DMD: variants seen among roughly 807,000 people sequenced by gnomAD.
The protein encoded by DMD is dystrophin.
A neutral mutation model predicts 330.1 loss-of-function variants in DMD; 63 were observed. The ratio of observed to expected loss-of-function variants is 0.19; its 90% CI spans 0.16 to 0.24. The LOEUF is 0.24. DMD is among the 10% of genes least tolerant of loss of function. The probability of loss-of-function intolerance (pLI) is 1.00; values close to 1 mark genes in which losing one functional copy is unlikely to be tolerated. For missense variants in DMD, 3,344 were observed against 2,684.1 expected (o/e 1.25, Z -5.43); for synonymous variants, 1,223 against 959.8 (o/e 1.27, Z -5.07).
Position 31,256,862 on chromosome X carries a change from C to T in DMD, c.9286+4093G>A, listed in dbSNP as rs185257795. 9.2e-4 allele frequency among the ~76,000 whole-genome samples: 100 copies of T among 108,683 alleles called. 1 individual carries two copies. Among genetic ancestry groups the T allele is most frequent in the African/African-American group, 3.3e-3 (97 of 29,707 alleles). The allele number at this position is 108,683 out of a possible 115,157, so 94.4% of individuals were successfully genotyped here. A position where few individuals can be genotyped will look rare whatever the true frequency, so the allele number is the denominator to read the frequency against. ...GTAAGAAATGGAATGGGGGTATCGA[C>T]GAAGAAACTTTTTTACCAAACATCT... is the stretch of plus-strand genomic sequence containing the variant. On this transcript the variant is annotated intron_variant, in intron 63 of 78. Transcript: ENST00000357033.
chrX:31,579,789 A>G (rs1428360764), intron 55 of DMD, among the ~76,000 whole-genome samples: 1 of 112,460 alleles, frequency 8.9e-6, no homozygotes. Context: ...AATTTTCCAT[A>G]AACTTACTGG....
chrX:33,043,982 T>C (rs934297641), intron 1 of DMD, among the ~76,000 whole-genome samples: 1 of 111,215 alleles, frequency 9.0e-6, no homozygotes, highest in Non-Finnish European at 1.9e-5. Context: ...CTCTCTCACC[T>C]ACCCCAGTTA....
chrX:32,193,048 C>G (rs1318999399), intron 44 of DMD, among the ~76,000 whole-genome samples: 1 of 111,340 alleles, frequency 9.0e-6, no homozygotes, highest in African/African-American at 3.3e-5. Context: ...AGTGAGTTCT[C>G]TGAGATCTGG....
At chrX:32,543,188 A>G (rs1329581454) in intron 17 of DMD, among the ~76,000 whole-genome samples, 5 of 112,018 alleles carry the variant, frequency 4.5e-5, no homozygotes, top group African/African-American at 1.3e-4. Flanking sequence ...TATTTGAAGA[A>G]TCTTTCTGTA....
At chrX:32,885,585 C>A (rs1239122379) in intron 2 of DMD, among the ~76,000 whole-genome samples, 2 of 111,149 alleles carry the variant, frequency 1.8e-5, no homozygotes, top group Admixed American at 1.9e-4. Flanking sequence ...ATATATTAAG[C>A]TATAACGATT....
At chrX:33,339,165 C>T (rs936701113) in intron 1 of DMD, 2 of 943,118 alleles carry the variant, frequency 2.1e-6, no homozygotes, top group African/African-American at 2.0e-5. Context: ...GGCAACAAAC[C>T]CCAGCTACCA....
intron 13 of DMD, among the ~76,000 whole-genome samples, chrX:32,575,709 T>A (rs1004412167): frequency 2.7e-5 from 3 of 111,973 alleles, no homozygotes; most frequent in African/African-American, 9.7e-5. Flanking sequence ...AAGCTTCAAA[T>A]GGAGAAAATC....
chrX:31,697,473 A>ATGTGTCC (rs2083517887), intron 52 of DMD, among the ~76,000 whole-genome samples: 1 of 111,420 alleles, frequency 9.0e-6, no homozygotes, highest in Admixed American at 9.6e-5. Context: ...AAGACTCAGG[A>ATGTGTCC]TGACAGACTG....
At chrX:32,911,747 C>A (rs1048222072) in intron 2 of DMD, among the ~76,000 whole-genome samples, 2 of 111,070 alleles carry the variant, frequency 1.8e-5, no homozygotes, top group African/African-American at 6.5e-5. Flanking sequence ...TTTTTAAGTT[C>A]GTGAGAATTT....
chrX:31,759,780 C>T lies in DMD; in HGVS notation c.7542+14180G>A, dbSNP rs745769016. On this transcript the variant is annotated intron_variant, in intron 51 of 78. Coordinates refer to ENST00000357033, the MANE Select transcript of DMD (RefSeq NM_004006.3). ...AGTTGCTCTAGAGAAGGAATGGCTG[C>T]TTGGACCCTGGTAGGTACATCATGG... 1.4e-4 allele frequency among the ~76,000 whole-genome samples: 16 copies of T among 111,972 alleles called. No individual in the cohort carries two copies. The East Asian group carries it at 4.5e-3, about 31-fold the overall frequency.
In DMD at chrX:32,118,395, G is replaced by A. The variant is rs193260753; in HGVS notation, c.6438+98521C>T. On this transcript the variant is annotated intron_variant, in intron 44 of 78. Coordinates refer to ENST00000357033, the MANE Select transcript of DMD (RefSeq NM_004006.3). The stretch of plus-strand genomic sequence containing the variant: ...GGAATAGCAGCCTACAGAGTGAACA[G>A]AACATAACTCTCTGAGCCATGGTTA... Among the ~76,000 whole-genome samples, 142 of 111,315 alleles carry A rather than the reference G, an allele frequency of 1.3e-3. 1 individual carries two copies. The highest frequency in any genetic ancestry group is 2.3e-3 in the Non-Finnish European group (121 of 53,047).
Position 32,709,748 on chromosome X carries a change from G to C in DMD, c.650-10455C>G, listed in dbSNP as rs200760403. Among the ~76,000 whole-genome samples the C allele has an allele frequency of 1.8e-4, 20 of 111,544 alleles. No homozygotes were observed. The East Asian group carries it at 4.0e-3, about 22-fold the overall frequency. On this transcript the variant is annotated intron_variant, in intron 7 of 78. Coordinates refer to ENST00000357033, the MANE Select transcript of DMD (RefSeq NM_004006.3). ...AGATGCATTTCCTATCCCATTTAAA[G>C]AAGCCCAACCCCTTTCCCTTTATTT...
At position 31,323,674 on chromosome X, in the gene DMD, G is replaced by C. The variant is rs776000361; in HGVS notation, c.9164-16C>G. ...TGGACAGACGCTGAAAAGAAGGGAG[G>C]AAAAAAAGAAAGGCAAGGAGGTCAA... On this transcript the variant is annotated splice_polypyrimidine_tract_variant and intron_variant, in intron 61 of 78. Transcript: ENST00000357033. 6.7e-6 allele frequency: 8 copies of C among 1,198,698 alleles called. No homozygotes were observed. The highest frequency in any genetic ancestry group is 6.8e-6 in the Non-Finnish European group (6 of 885,205).
chrX:32,998,874 A>C (rs2093200504), intron 2 of DMD, among the ~76,000 whole-genome samples: 1 of 111,971 alleles, frequency 8.9e-6, no homozygotes, highest in African/African-American at 3.2e-5. Context: ...TACTTACTAA[A>C]TGTTAGGCAC....
At chrX:32,891,519 C>T (rs950936480) in intron 2 of DMD, among the ~76,000 whole-genome samples, 1 of 111,642 alleles carries the variant, frequency 9.0e-6, no homozygotes, top group Non-Finnish European at 1.9e-5. Flanking sequence ...AATTATAAGG[C>T]GGGGAGGTAA....
Position 32,468,800 on chromosome X carries a change from T to G in DMD, c.2950-90A>C, listed in dbSNP as rs72468668. On this transcript the variant is annotated intron_variant, in intron 22 of 78. Transcript: ENST00000357033. The stretch of plus-strand genomic sequence containing the variant: ...AAATTAACTGTACTTGAAATCTATA[T>G]GATTCAAACATGTAAACAAAGTAGA... The G allele has an allele frequency of 7.5e-3, 5,669 of 759,873 alleles. 15 individuals are homozygous for G. Among genetic ancestry groups the G allele is most frequent in the Non-Finnish European group, 9.8e-3 (5,010 of 509,055 alleles). The allele number at this position is 759,873 out of a possible 1,213,427, so 62.6% of individuals were successfully genotyped here.
chrX:33,268,244 T>C (rs1392150630), intron 1 of DMD, among the ~76,000 whole-genome samples: 1 of 110,493 alleles, frequency 9.1e-6, no homozygotes, highest in Non-Finnish European at 1.9e-5. Context: ...CCCACCTTGG[T>C]CTCCCAAAGT....
intron 21 of DMD, among the ~76,000 whole-genome samples, chrX:32,483,838 A>T: frequency 9.3e-6 from 1 of 107,175 alleles, no homozygotes; most frequent in African/African-American, 3.4e-5. Context: ...AAAAAAAAAA[A>T]AAAAAGTATT....
chrX:32,735,103 C>T (rs1486057786), intron 7 of DMD, among the ~76,000 whole-genome samples: 2 of 109,338 alleles, frequency 1.8e-5, no homozygotes, highest in African/African-American at 3.4e-5. Context: ...AAATCACAAG[C>T]ATTCTTATAC....
Sources: gnomAD v4.1 joint callset for allele counts (sites outside exome capture counted in the v4.1 genomes callset) on GRCh38, gnomAD v4.1.1 for gene constraint, MANE v1.5 for transcripts, NCBI Gene and HGNC (gene_info 2026-07-23, HGNC 2026-07-21) for gene names.